Variants in CACNA1H observed in about 807,000 individuals in gnomAD.
CACNA1H encodes the protein calcium voltage-gated channel subunit alpha1 H, also known as voltage-dependent T-type calcium channel subunit alpha-1H.
CACNA1H carries 149 observed loss-of-function variants against 192.5 expected under a neutral mutation model. That is an observed-to-expected ratio of 0.77 (90% CI 0.68 to 0.89). The LOEUF is 0.89. CACNA1H is among the 40% of genes least tolerant of loss of function. CACNA1H has a pLI of 0.00. For synonymous variants in CACNA1H, 2,202 were observed against 1,475.2 expected, an observed-to-expected ratio of 1.49 and a Z score of -11.29; for missense variants, 4,257 against 3,423.5, an observed-to-expected ratio of 1.24 and a Z score of -6.08.
intron 2 of CACNA1H, among the ~76,000 whole-genome samples, chr16:1,183,524 C>G (rs1207492949): frequency 6.6e-6 from 1 of 152,220 alleles, no homozygotes; most frequent in Non-Finnish European, 1.5e-5. Flanking sequence ...GATCCTGGAT[C>G]GTGTGGCTGC....
At chr16:1,157,384 G>A (rs1216872157) in intron 2 of CACNA1H, among the ~76,000 whole-genome samples, 2 of 152,236 alleles carry the variant, frequency 1.3e-5, no homozygotes, top group African/African-American at 4.8e-5. Flanking sequence ...ACAGAGCTGG[G>A]TGAGCCCATC....
In CACNA1H at chr16:1,154,074, G is replaced by A. The variant is rs1389350667; in HGVS notation, c.299+38G>A. The A allele has an allele frequency of 1.5e-5, 11 of 719,866 alleles. No homozygotes were observed. The Admixed American group carries it at 2.0e-4, about 13-fold the overall frequency. The allele number at this position is 719,866 out of a possible 1,614,324, so 44.6% of individuals were successfully genotyped here. On this transcript the variant is annotated intron_variant, in intron 2 of 34. Transcript: ENST00000348261. Reference sequence around the variant, plus strand: ...GCCGGCGGGGGGCGGGGGGCGGGGGGCGTGGGGAGGGTGGGGGCCCGGGGC... The same window carrying A: ...GCCGGCGGGGGGCGGGGGGCGGGGGACGTGGGGAGGGTGGGGGCCCGGGGC...
Position 1,202,165 on chromosome 16 carries a change from T to G in CACNA1H, c.1715T>G (p.Val572Gly), listed in dbSNP as rs1968016899. The G allele has an allele frequency of 1.5e-5, 24 of 1,551,742 alleles. No individual in the cohort carries two copies. The highest frequency in any genetic ancestry group is 2.0e-5 in the Non-Finnish European group (23 of 1,148,356). Residue 572 changes from valine (V) to glycine (G), a missense_variant, in exon 9 of 35, where the codon GTG becomes GGG. Physicochemically the swap from Val to Gly is moderately radical, Grantham distance 109. Transcript: ENST00000348261. ...PGRGPPDAES[V>G]HSIYHADCHI... The stretch of plus-strand genomic sequence containing the variant: ...CGCGGACCCCCCGACGCAGAGTCTG[T>G]GCACAGCATCTACCATGCCGACTGC...
chr16:1,154,534 T>G (rs1288434592), intron 2 of CACNA1H, among the ~76,000 whole-genome samples: 2 of 151,960 alleles, frequency 1.3e-5, no homozygotes, highest in African/African-American at 4.8e-5. Context: ...GGGAGACCCG[T>G]GGGGCCTGTG....
rs191396715 is a variant in CACNA1H, at chr16:1,214,317, C to T, written c.4929+386C>T. On this transcript the variant is annotated intron_variant, in intron 27 of 34. Transcript: ENST00000348261. ...CTTTCCTCAGCGGAAGGACTTCGTC[C>T]TCCCAGCCTTTTAGAAGAAGGAGGT... Among the ~76,000 whole-genome samples, 121 of 152,360 alleles carry T rather than the reference C, an allele frequency of 7.9e-4. 1 individual carries two copies. Among genetic ancestry groups the T allele is most frequent in the Admixed American group, 3.7e-3 (57 of 15,312 alleles).
At chr16:1,189,053 G>A (rs528705132) in intron 2 of CACNA1H, among the ~76,000 whole-genome samples, 181 of 148,800 alleles carry the variant, frequency 1.2e-3, no homozygotes, top group Non-Finnish European at 2.2e-3. Flanking sequence ...CACAGGCGGT[G>A]CCCATGTGGG....
chr16:1,188,439 C>G (rs889542153), intron 2 of CACNA1H, among the ~76,000 whole-genome samples: 1 of 150,952 alleles, frequency 6.6e-6, no homozygotes. Context: ...CCGACACTGG[C>G]TGAGCCGCCC....
intron 2 of CACNA1H, among the ~76,000 whole-genome samples, chr16:1,190,277 G>C (rs1183383546): frequency 1.3e-5 from 2 of 152,266 alleles, no homozygotes; most frequent in Non-Finnish European, 2.9e-5. Flanking sequence ...TATAGAAGTT[G>C]ATTTGAAATC....
chr16:1,213,853 C>T lies in CACNA1H; in HGVS notation c.4851C>T (p.His1617=), dbSNP rs534178272. 1.1e-5 allele frequency: 18 copies of T among 1,608,764 alleles called. No individual in the cohort carries two copies. The highest frequency in any genetic ancestry group is 1.5e-5 in the Non-Finnish European group (18 of 1,178,062). ...CCATTCACTCGCTGTGCACCAGCCA[C>T]TATCTCGACCTCTTCATCACCTTCA... is the stretch of plus-strand genomic sequence containing the variant. ...RRSIHSLCTS[H]YLDLFITFII... The change falls in exon 27 of 35, where the codon CAC becomes CAT. Residue 1617 remains histidine (H), a synonymous_variant. Transcript: ENST00000348261.
chr16:1,208,279 C>G (rs900279529), intron 16 of CACNA1H, 58 bp downstream of exon 16: 1 of 1,237,340 alleles, frequency 8.1e-7, no homozygotes, highest in African/African-American at 1.5e-5. Context: ...CTGCCTGGCT[C>G]CTTATGGCCT....
intron 2 of CACNA1H, among the ~76,000 whole-genome samples, chr16:1,190,929 C>T (rs1373922712): frequency 2.7e-5 from 4 of 148,746 alleles, no homozygotes; most frequent in South Asian, 4.3e-4. Context: ...CTCGGGGTTT[C>T]GCTGACCCAG....
At chr16:1,211,668 G>C in intron 23 of CACNA1H, 48 bp from the exon 24 acceptor site, 2 of 1,610,456 alleles carry the variant, frequency 1.2e-6, no homozygotes, top group Non-Finnish European at 1.7e-6. Context: ...GAGAGGGCCG[G>C]CGACCCCAGC....
At chr16:1,190,473 T>G (rs1966503882) in intron 2 of CACNA1H, among the ~76,000 whole-genome samples, 1 of 152,162 alleles carries the variant, frequency 6.6e-6, no homozygotes, top group South Asian at 2.1e-4. Context: ...GTGCGGGATG[T>G]GGGACCTCGG....
chr16:1,189,827 T>C (rs1966439113), intron 2 of CACNA1H, among the ~76,000 whole-genome samples: 2 of 152,182 alleles, frequency 1.3e-5, no homozygotes, highest in Admixed American at 1.3e-4. Context: ...TCTTCAGCCC[T>C]GTTCCCCTGT....
intron 11 of CACNA1H, among the ~76,000 whole-genome samples, chr16:1,205,551 A>G (rs1968592796): frequency 6.6e-6 from 1 of 152,234 alleles, no homozygotes; most frequent in Non-Finnish European, 1.5e-5. Flanking sequence ...TGTTTCCTGC[A>G]GGAACAAAGC....
Position 1,211,626 on chromosome 16 carries a change from G to A in CACNA1H, c.4476+20G>A, listed in dbSNP as rs749763514. On this transcript the variant is annotated intron_variant, in intron 23 of 34. Coordinates refer to ENST00000348261, the MANE Select transcript of CACNA1H (RefSeq NM_021098.3). ...GGCCAGGTGGGCTGGGCGGCCGGGC[G>A]GGAGCTGGGGGTCTCCAGGACACCC... 57 of 1,608,832 alleles carry A rather than the reference G, an allele frequency of 3.5e-5. No individual in the cohort carries two copies. The highest frequency in any genetic ancestry group is 8.0e-5 in the African/African-American group (6 of 74,838).
intron 2 of CACNA1H, among the ~76,000 whole-genome samples, chr16:1,171,120 C>T (rs1387830001): frequency 2.0e-5 from 3 of 152,202 alleles, no homozygotes; most frequent in Admixed American, 1.3e-4. Context: ...AGCCCCTCCC[C>T]TCCCCTAGTG....
Position 1,196,025 on chromosome 16 carries a change from T to G in CACNA1H, c.643+2T>G. 1 of 1,611,648 alleles carries G rather than the reference T, an allele frequency of 6.2e-7. No individual in the cohort carries two copies. ...TCCGCGCCATCAACCGCGTGCCTAG[T>G]AAGTGACCGGCCCCGACTGGGCTTG... is the stretch of plus-strand genomic sequence containing the variant. On this transcript the variant is annotated splice_donor_variant, in intron 5 of 34. Coordinates refer to ENST00000348261, the MANE Select transcript of CACNA1H (RefSeq NM_021098.3). LOFTEE classifies it high-confidence loss of function.
chr16:1,194,695 C>T (rs1966848028), intron 2 of CACNA1H, among the ~76,000 whole-genome samples: 1 of 152,164 alleles, frequency 6.6e-6, no homozygotes, highest in South Asian at 2.1e-4. Flanking sequence ...ACCGAGGGCT[C>T]CTGCACCCCG....
Sources: gnomAD v4.1 joint callset for allele counts (sites outside exome capture counted in the v4.1 genomes callset) on GRCh38, gnomAD v4.1.1 for gene constraint, MANE v1.5 for transcripts, NCBI Gene and HGNC (gene_info 2026-07-23, HGNC 2026-07-21) for gene names.